TUSC3: variants seen among roughly 807,000 people sequenced by gnomAD.
The protein encoded by TUSC3 is tumor suppressor candidate 3.
In TUSC3, 45 loss-of-function variants were observed where a neutral mutation model predicts 44.8. The ratio of observed to expected loss-of-function variants is 1.00; its 90% CI spans 0.79 to 1.29. The LOEUF (loss-of-function observed/expected upper bound fraction) is 1.29, where lower values mean the gene tolerates loss of function less well. Ranked by LOEUF, TUSC3 falls within the 50% of genes most tolerant of loss-of-function variation. The pLI, the probability that TUSC3 is intolerant of heterozygous loss-of-function variation, is 0.00. For synonymous variants in TUSC3, 212 were observed against 152.9 expected (o/e 1.39, Z -2.85); for missense variants, 519 against 437.9 (o/e 1.19, Z -1.65).
intron 1 of TUSC3, among the ~76,000 whole-genome samples, chr8:15,459,832 T>TTGTGTG (rs35529446): frequency 4.5e-4 from 67 of 148,628 alleles, no homozygotes; most frequent in South Asian, 1.3e-3. Flanking sequence ...AGTATTCCAT[T>TTGTGTG]TGTGTGTGTG....
intron 7 of TUSC3, among the ~76,000 whole-genome samples, chr8:15,740,450 G>A (rs1236278894): frequency 1.3e-5 from 2 of 150,580 alleles, no homozygotes; most frequent in Non-Finnish European, 3.0e-5. Flanking sequence ...CAGTCAATTC[G>A]TATCTGGAAA....
the TUSC3 span, among the ~76,000 whole-genome samples, chr8:15,799,720 A>C: frequency 5.9e-5 from 9 of 152,308 alleles, no homozygotes; most frequent in African/African-American, 2.2e-4. Flanking sequence ...TGACTTTTTC[A>C]GCATCCCACA....
the TUSC3 span, among the ~76,000 whole-genome samples, chr8:15,827,568 T>C: frequency 6.6e-6 from 1 of 152,292 alleles, no homozygotes; most frequent in African/African-American, 2.4e-5. Flanking sequence ...TGATAGGCTT[T>C]CACCTCTAGA....
chr8:15,494,524 A>G (rs1800854077), intron 2 of TUSC3, among the ~76,000 whole-genome samples: 1 of 152,024 alleles, frequency 6.6e-6, no homozygotes, highest in Non-Finnish European at 1.5e-5. Context: ...TCACTGTGTT[A>G]GCCAGGATGG....
At chr8:15,566,391 A>C (rs1802672488) in intron 1 of TUSC3, among the ~76,000 whole-genome samples, 1 of 152,106 alleles carries the variant, frequency 6.6e-6, no homozygotes, top group Non-Finnish European at 1.5e-5. Flanking sequence ...TCATTTTATT[A>C]TTCCTCATAG....
chr8:15,625,700 A>C (rs1257637471), intron 2 of TUSC3, among the ~76,000 whole-genome samples: 2 of 152,234 alleles, frequency 1.3e-5, no homozygotes, highest in African/African-American at 4.8e-5. Context: ...AACTTGGGTC[A>C]ATGTAAAAAA....
At chr8:15,495,760 C>G (rs935437177) in intron 2 of TUSC3, among the ~76,000 whole-genome samples, 5 of 152,082 alleles carry the variant, frequency 3.3e-5, no homozygotes, top group African/African-American at 1.2e-4. Flanking sequence ...CAAAAACTGG[C>G]AAAGGTATAG....
At chr8:15,605,441 G>A (rs1585145545) in intron 1 of TUSC3, among the ~76,000 whole-genome samples, 1 of 151,852 alleles carries the variant, frequency 6.6e-6, no homozygotes, top group South Asian at 2.1e-4. Flanking sequence ...CCTGTAGAAG[G>A]AAGCCATTAT....
chr8:15,642,306 G>A (rs1040170145), intron 2 of TUSC3, among the ~76,000 whole-genome samples: 8 of 152,076 alleles, frequency 5.3e-5, no homozygotes, highest in African/African-American at 1.9e-4. Context: ...GAATCTCTAT[G>A]CTTTTTATTC....
At chr8:15,727,369 A>C (rs1396210486) in intron 6 of TUSC3, among the ~76,000 whole-genome samples, 1 of 152,164 alleles carries the variant, frequency 6.6e-6, no homozygotes, top group Non-Finnish European at 1.5e-5. Flanking sequence ...TTAGTAGACA[A>C]AATGTATTCT....
intron 7 of TUSC3, among the ~76,000 whole-genome samples, chr8:15,743,198 G>A (rs1811268019): frequency 6.6e-6 from 1 of 152,208 alleles, no homozygotes; most frequent in Admixed American, 6.5e-5. Context: ...CATGTGTCAT[G>A]TCTATAAGCA....
chr8:15,638,254 G>C (rs1806183011), intron 2 of TUSC3, among the ~76,000 whole-genome samples: 1 of 150,132 alleles, frequency 6.7e-6, no homozygotes, highest in Non-Finnish European at 1.5e-5. Flanking sequence ...ATGGATTACT[G>C]AAGTTATAAA....
At chr8:15,696,383 T>C (rs1474819097) in intron 6 of TUSC3, among the ~76,000 whole-genome samples, 1 of 152,248 alleles carries the variant, frequency 6.6e-6, no homozygotes, top group Middle Eastern at 3.4e-3. Flanking sequence ...AACCTCTGTA[T>C]AGATTTCAGA....
At chr8:15,709,947 C>G (rs1222451517) in intron 6 of TUSC3, among the ~76,000 whole-genome samples, 1 of 151,828 alleles carries the variant, frequency 6.6e-6, no homozygotes, top group East Asian at 1.9e-4. Flanking sequence ...CCTTTCTATT[C>G]AAAAGTCTTC....
chr8:15,542,176 C>G (rs780292461), intron 1 of TUSC3, among the ~76,000 whole-genome samples: 1 of 151,800 alleles, frequency 6.6e-6, no homozygotes. Context: ...GGTGGGACAA[C>G]TCAAAGGGGG....
intron 1 of TUSC3, among the ~76,000 whole-genome samples, chr8:15,576,253 CTT>C (rs534737121): frequency 8.4e-6 from 1 of 118,616 alleles, no homozygotes; most frequent in Non-Finnish European, 1.7e-5. Context: ...CTTTTTCTTT[CTT>C]TTTTTTTTTT....
chr8:15,717,591 A>G (rs968050889), intron 6 of TUSC3, among the ~76,000 whole-genome samples: 3 of 152,068 alleles, frequency 2.0e-5, no homozygotes, highest in African/African-American at 7.2e-5. Flanking sequence ...ACTTATCTCA[A>G]TATAATCTAC....
At chr8:15,760,772 G>A (rs751596717) in intron 10 of TUSC3, among the ~76,000 whole-genome samples, 14 of 152,146 alleles carry the variant, frequency 9.2e-5, no homozygotes, top group Non-Finnish European at 1.5e-4. Context: ...TTAACCTTCT[G>A]GCTCTTTACA....
At chr8:15,559,372 T>A (rs1167239038) in intron 1 of TUSC3, among the ~76,000 whole-genome samples, 2 of 148,960 alleles carry the variant, frequency 1.3e-5, no homozygotes, top group Non-Finnish European at 3.0e-5. Context: ...GACAGACAGT[T>A]TGTTATAATT....
Sources: gnomAD v4.1 joint callset for allele counts (sites outside exome capture counted in the v4.1 genomes callset) on GRCh38, gnomAD v4.1.1 for gene constraint, MANE v1.5 for transcripts, NCBI Gene and HGNC (gene_info 2026-07-23, HGNC 2026-07-21) for gene names.